Variants in CUL1 observed in about 807,000 individuals in gnomAD.
CUL1 encodes cullin-1.
A neutral mutation model predicts 118.0 loss-of-function variants in CUL1; 24 were observed. The observed-to-expected ratio is 0.20, with a 90% CI of 0.15 to 0.29. The LOEUF is 0.29. Among genes scored for constraint, CUL1 ranks in the 10% least tolerant of loss-of-function variants. The pLI, the probability that CUL1 is intolerant of heterozygous loss-of-function variation, is 1.00. For synonymous variants in CUL1, 332 were observed against 340.4 expected (o/e 0.98, Z 0.27); for missense variants, 361 against 933.8 (o/e 0.39, Z 7.99).
intron 9 of CUL1, among the ~76,000 whole-genome samples, chr7:148,774,261 A>G (rs1457532972): frequency 6.6e-6 from 1 of 152,188 alleles, no homozygotes; most frequent in East Asian, 1.9e-4. Flanking sequence ...ACTCAGAAGA[A>G]TGATTTTTCT....
intron 1 of CUL1, among the ~76,000 whole-genome samples, chr7:148,721,797 G>T (rs1798405945): frequency 6.6e-6 from 1 of 151,922 alleles, no homozygotes; most frequent in South Asian, 2.1e-4. Flanking sequence ...CATTTTGTGT[G>T]GTCTGTTGTG....
intron 7 of CUL1, among the ~76,000 whole-genome samples, chr7:148,763,766 T>C (rs371479129): frequency 1.3e-5 from 2 of 152,338 alleles, no homozygotes; most frequent in South Asian, 4.1e-4. Flanking sequence ...GTGGCAAATC[T>C]TACTCAATAA....
chr7:148,750,826 G>A (rs1799466073), intron 2 of CUL1, among the ~76,000 whole-genome samples: 1 of 152,000 alleles, frequency 6.6e-6, no homozygotes, highest in Non-Finnish European at 1.5e-5. Flanking sequence ...GCTAAGTCAA[G>A]CCAATGTGGT....
chr7:148,777,339 G>A (rs1800435441), intron 9 of CUL1, among the ~76,000 whole-genome samples: 1 of 152,238 alleles, frequency 6.6e-6, no homozygotes, highest in South Asian at 2.1e-4. Flanking sequence ...AAAAGTAGCA[G>A]CAGGTAGGCC....
At chr7:148,711,978 G>A (rs1165660361) in intron 1 of CUL1, among the ~76,000 whole-genome samples, 1 of 152,240 alleles carries the variant, frequency 6.6e-6, no homozygotes, top group Non-Finnish European at 1.5e-5. Context: ...AGACCTGCCA[G>A]GAGGTGCACA....
chr7:148,738,421 C>G (rs372026662), intron 2 of CUL1, among the ~76,000 whole-genome samples: 1 of 152,180 alleles, frequency 6.6e-6, no homozygotes, highest in Admixed American at 6.5e-5. Context: ...TGGCAGACAA[C>G]GTTTCTAGGA....
chr7:148,769,880 GA>G (rs953917658), intron 9 of CUL1, among the ~76,000 whole-genome samples: 77 of 149,954 alleles, frequency 5.1e-4, no homozygotes, highest in African/African-American at 1.8e-3. Context: ...AAGGAAGAAA[GA>G]AAAAAAAAGC....
chr7:148,726,526 T>C (rs1798588710), intron 1 of CUL1, among the ~76,000 whole-genome samples: 1 of 152,174 alleles, frequency 6.6e-6, no homozygotes, highest in Non-Finnish European at 1.5e-5. Flanking sequence ...ATTTAACAAA[T>C]AGGCAGTTGT....
intron 2 of CUL1, among the ~76,000 whole-genome samples, chr7:148,732,245 T>C (rs1201327917): frequency 6.6e-6 from 1 of 152,124 alleles, no homozygotes; most frequent in Admixed American, 6.6e-5. Context: ...AGAGCACTGC[T>C]CCAGAGCTCA....
intron 19 of CUL1, 25 bp downstream of exon 19, chr7:148,798,044 G>A (rs1170687863): frequency 1.4e-6 from 2 of 1,406,062 alleles, no homozygotes; most frequent in African/African-American, 2.9e-5. Flanking sequence ...ATAAGTAGAT[G>A]GCCCTTGACC....
At position 148,759,309 on chromosome 7, in the gene CUL1, A is replaced by G. The variant is rs769923947; in HGVS notation, c.489A>G (p.Ala163=). The G allele has an allele frequency of 6.2e-7, 1 of 1,613,932 alleles. No homozygotes were observed. The highest frequency in any genetic ancestry group is 8.5e-7 in the Non-Finnish European group (1 of 1,179,860). Residue 163 remains alanine, a synonymous_variant, in exon 5 of 22, where the codon GCA becomes GCG. Transcript: ENST00000325222. ...TTGTACTTTTTTTTCTCCAGCTTGC[A>G]TTGGTGACTTGGAGAGACTGTCTGT... ...RKGIYEIYSL[A]LVTWRDCLFR...
At chr7:148,738,830 C>G (rs111335088) in intron 2 of CUL1, among the ~76,000 whole-genome samples, 5 of 152,036 alleles carry the variant, frequency 3.3e-5, no homozygotes, top group Non-Finnish European at 7.4e-5. Flanking sequence ...TTAAGAATAA[C>G]TTTAGATGTG....
At chr7:148,792,400 A>C (rs1269368323) in intron 16 of CUL1, among the ~76,000 whole-genome samples, 5 of 152,192 alleles carry the variant, frequency 3.3e-5, no homozygotes, top group Non-Finnish European at 5.9e-5. Context: ...CATATATACC[A>C]GGTGTGTGTA....
At chr7:148,703,656 C>T (rs1017037923) in intron 1 of CUL1, among the ~76,000 whole-genome samples, 4 of 152,038 alleles carry the variant, frequency 2.6e-5, no homozygotes, top group Non-Finnish European at 4.4e-5. Flanking sequence ...CCTCAGCCTC[C>T]CGAGTAGCTG....
intron 1 of CUL1, among the ~76,000 whole-genome samples, chr7:148,723,617 T>C (rs904318653): frequency 2.6e-5 from 4 of 152,054 alleles, no homozygotes; most frequent in African/African-American, 9.7e-5. Flanking sequence ...TTGAAAGCTT[T>C]TTGTTAGGTA....
rs1563152426 is a variant in CUL1, at chr7:148,729,991, C to T, written c.-132C>T. The T allele has an allele frequency of 7.8e-6, 8 of 1,019,174 alleles. No homozygotes were observed. Among genetic ancestry groups the T allele is most frequent in the Admixed American group, 2.5e-5 (1 of 40,488 alleles). The allele number at this position is 1,019,174 out of a possible 1,614,324, so 63.1% of individuals were successfully genotyped here. A position where few individuals can be genotyped will look rare whatever the true frequency, so the allele number is the denominator to read the frequency against. On this transcript the variant is annotated 5_prime_UTR_variant, in exon 2 of 22. Coordinates refer to ENST00000325222, the MANE Select transcript of CUL1 (RefSeq NM_003592.3). ...GCCTGCAATGAGATTTCATTCTCTA[C>T]ATTTAAAGGACATCCTTTCTGAGCT...
intron 9 of CUL1, among the ~76,000 whole-genome samples, chr7:148,773,570 TACCC>T (rs1800293334): frequency 6.6e-6 from 1 of 152,172 alleles, no homozygotes; most frequent in Non-Finnish European, 1.5e-5. Flanking sequence ...CCTAGCCTCT[TACCC>T]AGCGAGGATC....
At chr7:148,734,712 G>T (rs536128977) in intron 2 of CUL1, among the ~76,000 whole-genome samples, 1 of 152,318 alleles carries the variant, frequency 6.6e-6, no homozygotes, top group South Asian at 2.1e-4. Context: ...AAACATGGGT[G>T]CTGGCTAGAG....
intron 9 of CUL1, among the ~76,000 whole-genome samples, chr7:148,778,436 A>G (rs67519861): frequency 0.081 from 12,345 of 152,140 alleles, 620 homozygotes; most frequent in African/African-American, 0.13. Context: ...GTCCAAGTGC[A>G]TGGTCTGCAC....
Sources: allele counts gnomAD v4.1 joint callset (sites outside exome capture counted in the v4.1 genomes callset), GRCh38; gene constraint gnomAD v4.1.1; transcripts MANE v1.5; gene names NCBI Gene and HGNC (gene_info 2026-07-23, HGNC 2026-07-21).